The following SYTL2 variants were observed in gnomAD, a reference collection of about 807,000 sequenced individuals.
The protein encoded by SYTL2 is synaptotagmin-like protein 2.
A neutral mutation model predicts 198.7 loss-of-function variants in SYTL2; 165 were observed. That is an observed-to-expected ratio of 0.83 (90% CI 0.73 to 0.94). The LOEUF (loss-of-function observed/expected upper bound fraction) is 0.94, where lower values mean the gene tolerates loss of function less well. SYTL2 is among the 40% of genes least tolerant of loss of function. The pLI is 0.00. For missense variants in SYTL2, 2,835 were observed against 2,582.8 expected (o/e 1.10, Z -2.12); for synonymous variants, 966 against 917.7 (o/e 1.05, Z -0.95).
chr11:85,721,313 A>G (rs182192084), intron 8 of SYTL2, among the ~76,000 whole-genome samples: 9 of 152,328 alleles, frequency 5.9e-5, no homozygotes, highest in African/African-American at 1.7e-4. Context: ...CAGCCATGAA[A>G]TACTTCTAGG....
intron 1 of SYTL2, among the ~76,000 whole-genome samples, chr11:85,774,151 A>T (rs945322854): frequency 2.0e-5 from 3 of 152,250 alleles, no homozygotes; most frequent in African/African-American, 7.2e-5. Flanking sequence ...TATAGAAAAT[A>T]AAAAACTAAA....
chr11:85,711,369 A>G, intron 12 of SYTL2, 137 bp from the exon 13 acceptor site: 1 of 891,592 alleles, frequency 1.1e-6, no homozygotes. Context: ...GCTAATTGCC[A>G]GGGTATGGGA....
At chr11:85,781,760 A>G (rs2092563775) in intron 1 of SYTL2, among the ~76,000 whole-genome samples, 1 of 152,192 alleles carries the variant, frequency 6.6e-6, no homozygotes, top group African/African-American at 2.4e-5. Flanking sequence ...TAAAGCTCCA[A>G]AATGATCTCC....
chr11:85,846,998 C>T, the SYTL2 span, among the ~76,000 whole-genome samples: 7 of 152,090 alleles, frequency 4.6e-5, no homozygotes, highest in African/African-American at 1.4e-4. Flanking sequence ...CCTCCCGAAG[C>T]GCTGAGATTA....
intron 16 of SYTL2, among the ~76,000 whole-genome samples, chr11:85,700,980 G>T (rs550947558): frequency 3.9e-5 from 6 of 152,222 alleles, no homozygotes; most frequent in Non-Finnish European, 8.8e-5. Context: ...TTATTTGAAG[G>T]AGTATGAGAT....
Position 85,737,727 on chromosome 11 carries a change from T to C in SYTL2, c.390-71A>G, listed in dbSNP as rs988504344. 3.1e-6 allele frequency: 4 copies of C among 1,300,786 alleles called. No individual in the cohort carries two copies. The African/African-American group carries it at 4.4e-5, about 14-fold the overall frequency. The allele number at this position is 1,300,786 out of a possible 1,614,324, so 80.6% of individuals were successfully genotyped here. The stretch of plus-strand genomic sequence containing the variant: ...GGAATCATAAATTATGCCTCTGAAG[T>C]GGAAAGCTATCAGCAGGCTAGGAGA... On this transcript the variant is annotated intron_variant, in intron 4 of 19. Transcript: ENST00000359152.
chr11:85,820,523 T>C, the SYTL2 span, among the ~76,000 whole-genome samples: 1 of 152,182 alleles, frequency 6.6e-6, no homozygotes, highest in Non-Finnish European at 1.5e-5. Context: ...AAAAGCAGAT[T>C]ATCAGGCTCT....
chr11:85,804,353 G>A (rs2092929990), intron 1 of SYTL2, among the ~76,000 whole-genome samples: 1 of 152,142 alleles, frequency 6.6e-6, no homozygotes, highest in African/African-American at 2.4e-5. Flanking sequence ...CAGAATACAA[G>A]TAGGGTACAG....
At chr11:85,746,094 T>C (rs1250110731) in intron 3 of SYTL2, among the ~76,000 whole-genome samples, 1 of 152,160 alleles carries the variant, frequency 6.6e-6, no homozygotes, top group African/African-American at 2.4e-5. Context: ...GGTCTAAATG[T>C]GCATGGCCAG....
At chr11:85,721,416 A>G (rs568448926) in intron 8 of SYTL2, among the ~76,000 whole-genome samples, 2 of 152,238 alleles carry the variant, frequency 1.3e-5, no homozygotes, top group African/African-American at 4.8e-5. Context: ...TGCATTCTCC[A>G]GATCAAAGGT....
chr11:85,759,245 C>CA lies in SYTL2; in HGVS notation c.-389-1132dup, dbSNP rs752168650. Among the ~76,000 whole-genome samples, 427 of 58,236 alleles carry CA rather than the reference C, an allele frequency of 7.3e-3. 2 individuals carry two copies. Among genetic ancestry groups the CA allele is most frequent in the Admixed American group, 0.01 (54 of 5,218 alleles). 38.2% of individuals were successfully genotyped at this position (58,236 alleles called of 152,430 possible). ...TGGGTGACAGAGTGAGACTCCTTATCAAAAAAAAAAAAAAAGAAAGAAAAA... is the reference window on the plus strand; with the variant it reads ...TGGGTGACAGAGTGAGACTCCTTATCAAAAAAAAAAAAAAAAGAAAGAAAAA... On this transcript the variant is annotated intron_variant, in intron 1 of 19. Coordinates refer to ENST00000359152, the MANE Select transcript of SYTL2 (RefSeq NM_206927.4).
intron 1 of SYTL2, among the ~76,000 whole-genome samples, chr11:85,802,896 T>C (rs1343523611): frequency 1.3e-5 from 2 of 152,246 alleles, no homozygotes; most frequent in African/African-American, 4.8e-5. Context: ...AGTGCATTCA[T>C]GTTTAAATTC....
chr11:85,796,114 A>G (rs1282260481), intron 1 of SYTL2, among the ~76,000 whole-genome samples: 2 of 152,226 alleles, frequency 1.3e-5, no homozygotes, highest in Non-Finnish European at 2.9e-5. Context: ...TTCAGGCAGC[A>G]CAGGGAAGAA....
chr11:85,796,485 T>A (rs2092806030), intron 1 of SYTL2, among the ~76,000 whole-genome samples: 1 of 152,234 alleles, frequency 6.6e-6, no homozygotes, highest in African/African-American at 2.4e-5. Context: ...TGATAAGTGA[T>A]ATTTTTAGGA....
intron 4 of SYTL2, among the ~76,000 whole-genome samples, chr11:85,738,498 G>A (rs954460564): frequency 2.0e-5 from 3 of 152,140 alleles, no homozygotes; most frequent in African/African-American, 4.8e-5. Context: ...CCCGAATTAA[G>A]ACTAATAGAC....
intron 2 of SYTL2, among the ~76,000 whole-genome samples, chr11:85,754,506 T>G (rs1364933855): frequency 6.6e-6 from 1 of 152,188 alleles, no homozygotes; most frequent in East Asian, 1.9e-4. Context: ...AAAATTATTT[T>G]TAATTTAATT....
At chr11:85,745,885 T>C in intron 3 of SYTL2, 113 bp from the exon 4 acceptor site, 2 of 1,067,858 alleles carry the variant, frequency 1.9e-6, no homozygotes, top group Non-Finnish European at 2.7e-6. Flanking sequence ...GCCTTCCCAG[T>C]GCCAAGGCAA....
At chr11:85,795,992 C>G (rs2092798774) in intron 1 of SYTL2, among the ~76,000 whole-genome samples, 1 of 152,228 alleles carries the variant, frequency 6.6e-6, no homozygotes, top group Non-Finnish European at 1.5e-5. Flanking sequence ...GCACCAGAAG[C>G]TTAAACTTCT....
At chr11:85,840,427 G>T in the SYTL2 span, among the ~76,000 whole-genome samples, 1 of 152,080 alleles carries the variant, frequency 6.6e-6, no homozygotes, top group African/African-American at 2.4e-5. Context: ...TTGAGGGCTT[G>T]CACTCAACTG....
Sources: gnomAD v4.1 joint callset for allele counts (sites outside exome capture counted in the v4.1 genomes callset) on GRCh38, gnomAD v4.1.1 for gene constraint, MANE v1.5 for transcripts, NCBI Gene and HGNC (gene_info 2026-07-23, HGNC 2026-07-21) for gene names.